FHOD3: variants seen among roughly 807,000 people sequenced by gnomAD.
The protein encoded by FHOD3 is formin homology 2 domain containing 3, also known as FH1/FH2 domain-containing protein 3.
Under a neutral mutation model 173.0 loss-of-function variants are expected in FHOD3, and 90 were observed. The observed-to-expected ratio is 0.52, with a 90% CI of 0.44 to 0.62. The LOEUF is 0.62. Among genes scored for constraint, FHOD3 ranks in the 20% least tolerant of loss-of-function variants. The pLI, the probability that FHOD3 is intolerant of heterozygous loss-of-function variation, is 0.00. For synonymous variants in FHOD3, 828 were observed against 823.0 expected (o/e 1.01, Z -0.10); for missense variants, 1,945 against 2,034.7 (o/e 0.96, Z 0.85).
chr18:36,478,879 A>G (rs1465660734), intron 3 of FHOD3, among the ~76,000 whole-genome samples: 3 of 152,066 alleles, frequency 2.0e-5, no homozygotes, highest in African/African-American at 7.2e-5. Context: ...ATACTTTGTT[A>G]TTCTGATCTT....
Position 36,779,600 on chromosome 18 carries a change from T to A in FHOD3, c.*70T>A. ...TCTTGCTGGATGAAACCCCTCCAGG[T>A]GGGGTTGGGGAGACTTGATATTCAC... On this transcript the variant is annotated 3_prime_UTR_variant, in exon 29 of 29. Transcript: ENST00000590592. 5 of 1,363,836 alleles carry A rather than the reference T, an allele frequency of 3.7e-6. No homozygotes were observed. The highest frequency in any genetic ancestry group is 4.2e-6 in the Non-Finnish European group (4 of 956,692). 84.5% of individuals were successfully genotyped at this position (1,363,836 alleles called of 1,614,324 possible).
At chr18:36,569,318 G>A (rs1354614877) in intron 5 of FHOD3, among the ~76,000 whole-genome samples, 1 of 152,124 alleles carries the variant, frequency 6.6e-6, no homozygotes, top group African/African-American at 2.4e-5. Flanking sequence ...AGAAGGTGAA[G>A]TGACTATATT....
rs200164880 is a variant in FHOD3, at chr18:36,755,397, CTTTTTTT to C, written c.4425+108_4425+114del. 19,723 of 211,656 alleles carry C rather than the reference CTTTTTTT, an allele frequency of 0.093. 891 individuals carry two copies. Among genetic ancestry groups the C allele is most frequent in the Admixed American group, 0.13 (1,217 of 9,478 alleles). The allele number at this position is 211,656 out of a possible 1,614,324, so 13.1% of individuals were successfully genotyped here. A position where few individuals can be genotyped will look rare whatever the true frequency, so the allele number is the denominator to read the frequency against. On this transcript the variant is annotated intron_variant, in intron 25 of 28. Coordinates refer to ENST00000590592, the MANE Select transcript of FHOD3 (RefSeq NM_001281740.3). Reference sequence around the variant, plus strand: ...ATCCTCCCCACAGTTAAAAGCTGTGCTTTTTTTTTTTTTTTTTTTTTTTTTTTTGACT... The same window carrying C: ...ATCCTCCCCACAGTTAAAAGCTGTGCTTTTTTTTTTTTTTTTTTTTTGACT...
chr18:36,513,725 G>A (rs1248582544), intron 5 of FHOD3, among the ~76,000 whole-genome samples: 1 of 151,756 alleles, frequency 6.6e-6, no homozygotes, highest in African/African-American at 2.4e-5. Flanking sequence ...CCCCTCTTCT[G>A]TAGAGCCACT....
intron 13 of FHOD3, 149 bp from the exon 14 acceptor site, chr18:36,657,926 C>A: frequency 1.8e-6 from 1 of 558,982 alleles, no homozygotes; most frequent in Non-Finnish European, 3.1e-6. Context: ...AGGGAACAAA[C>A]CTCTTTAGGT....
intron 11 of FHOD3, among the ~76,000 whole-genome samples, 171 bp downstream of exon 11, chr18:36,649,576 A>G (rs909776408): frequency 1.3e-5 from 2 of 152,168 alleles, no homozygotes; most frequent in African/African-American, 2.4e-5. Flanking sequence ...GAAATACCTG[A>G]GCATGTTTTC....
intron 7 of FHOD3, among the ~76,000 whole-genome samples, chr18:36,600,697 G>C (rs373090288): frequency 6.6e-6 from 1 of 152,184 alleles, no homozygotes; most frequent in South Asian, 2.1e-4. Flanking sequence ...TGTTTAAGGG[G>C]AGTACCAATG....
rs71168224 is a variant in FHOD3, at chr18:36,437,682, T to TTTTTTTTTTA, written c.338-64250_338-64249insTTTTTTTTTA. Among the ~76,000 whole-genome samples, 358 of 129,592 alleles carry TTTTTTTTTTA rather than the reference T, an allele frequency of 2.8e-3. 33 individuals are homozygous for TTTTTTTTTTA. Among genetic ancestry groups the TTTTTTTTTTA allele is most frequent in the East Asian group, 6.5e-3 (30 of 4,614 alleles). The allele number at this position is 129,592 out of a possible 152,430, so 85.0% of individuals were successfully genotyped here. ...CTTTCTTTCTTTTTTTTTTTTTTTT[T>TTTTTTTTTTA]AAGACAGAGTCTTGCTCTGTCGCCA... On this transcript the variant is annotated intron_variant, in intron 3 of 28. Transcript: ENST00000590592.
chr18:36,576,677 A>G (rs1189179266), intron 6 of FHOD3, 132 bp downstream of exon 6: 13 of 566,964 alleles, frequency 2.3e-5, no homozygotes, highest in Non-Finnish European at 3.3e-5. Flanking sequence ...AATGAGGATT[A>G]CTACTCTACA....
Position 36,325,620 on chromosome 18 carries a change from A to C in FHOD3, c.165+27620A>C, listed in dbSNP as rs560336241. On this transcript the variant is annotated intron_variant, in intron 1 of 28. Coordinates refer to ENST00000590592, the MANE Select transcript of FHOD3 (RefSeq NM_001281740.3). The stretch of plus-strand genomic sequence containing the variant: ...CACCATCTTGCTTTATCCATAATAG[A>C]TGGTGCTAGCGGTGGGCAGGGTGCT... Among the ~76,000 whole-genome samples the C allele has an allele frequency of 5.9e-5, 9 of 152,234 alleles. No individual in the cohort carries two copies. The South Asian group carries it at 1.9e-3, about 32-fold the overall frequency.
chr18:36,778,677 G>A (rs2043868240), intron 28 of FHOD3: 1 of 152,224 alleles, frequency 6.6e-6, no homozygotes, highest in South Asian at 2.1e-4. Context: ...CCCAGTGAGA[G>A]TGGTCATTGG....
chr18:36,371,541 A>T (rs2047186344), intron 2 of FHOD3, among the ~76,000 whole-genome samples: 1 of 152,328 alleles, frequency 6.6e-6, no homozygotes. Flanking sequence ...TTTGGGGATT[A>T]TGGGAGCTAC....
intron 5 of FHOD3, among the ~76,000 whole-genome samples, chr18:36,514,361 T>G (rs948665802): frequency 2.0e-5 from 3 of 152,174 alleles, no homozygotes; most frequent in African/African-American, 7.2e-5. Context: ...CCATGTTGCA[T>G]CTAATCGCAG....
chr18:36,361,759 G>T (rs186523798), intron 2 of FHOD3, among the ~76,000 whole-genome samples: 52 of 151,574 alleles, frequency 3.4e-4, no homozygotes, highest in African/African-American at 1.2e-3. Flanking sequence ...AACCTGCAGC[G>T]TAGGCTCTCA....
At chr18:36,489,373 A>G (rs1307189406) in intron 3 of FHOD3, among the ~76,000 whole-genome samples, 2 of 152,244 alleles carry the variant, frequency 1.3e-5, no homozygotes, top group African/African-American at 4.8e-5. Context: ...GTTCACAAGC[A>G]AAACCAACTC....
At chr18:36,381,088 A>G (rs951495288) in intron 3 of FHOD3, among the ~76,000 whole-genome samples, 1 of 152,224 alleles carries the variant, frequency 6.6e-6, no homozygotes. Flanking sequence ...CTCTACAGAT[A>G]CAATTGCCGA....
chr18:36,769,948 T>G (rs1196342207), intron 28 of FHOD3, among the ~76,000 whole-genome samples: 2 of 152,122 alleles, frequency 1.3e-5, no homozygotes, highest in Non-Finnish European at 2.9e-5. Flanking sequence ...GTGGCCTAGG[T>G]TGACCATTTT....
chr18:36,307,969 G>A (rs2092147682), intron 1 of FHOD3, among the ~76,000 whole-genome samples: 1 of 152,070 alleles, frequency 6.6e-6, no homozygotes, highest in Admixed American at 6.5e-5. Flanking sequence ...AATATTCTTG[G>A]AGCACATCAT....
chr18:36,678,762 A>G (rs1399851976), intron 14 of FHOD3, among the ~76,000 whole-genome samples: 1 of 152,004 alleles, frequency 6.6e-6, no homozygotes, highest in Admixed American at 6.6e-5. Flanking sequence ...AACGTGGTAA[A>G]TTGTATTCAT....
Sources: gnomAD v4.1 joint callset for allele counts (sites outside exome capture counted in the v4.1 genomes callset) on GRCh38, gnomAD v4.1.1 for gene constraint, MANE v1.5 for transcripts, NCBI Gene and HGNC (gene_info 2026-07-23, HGNC 2026-07-21) for gene names.